Variants in ADGRD2 observed in about 807,000 individuals in gnomAD.
ADGRD2 encodes the protein adhesion G protein-coupled receptor D2.
ADGRD2 carries 71 observed loss-of-function variants against 44.4 expected under a neutral mutation model. The ratio of observed to expected loss-of-function variants is 1.60; its 90% CI spans 1.32 to 1.95. The LOEUF (loss-of-function observed/expected upper bound fraction) is 1.95, where lower values mean the gene tolerates loss of function less well. ADGRD2 is among the 30% of genes most tolerant of loss of function. ADGRD2 has a pLI of 0.00. For missense variants in ADGRD2, 1,039 were observed against 512.4 expected (o/e 2.03, Z -9.92); for synonymous variants, 481 against 224.8 (o/e 2.14, Z -10.19).
At chr9:124,453,958 G>A in intron 3 of ADGRD2, 41 bp from the exon 7 acceptor site, 1 of 622,642 alleles carries the variant, frequency 1.6e-6, no homozygotes, top group Non-Finnish European at 2.9e-6. Context: ...GGCTCGCCAG[G>A]GTCCCCTAGG....
At chr9:124,467,631 T>C in intron 11 of ADGRD2, 90 bp from the exon 15 acceptor site, 3 of 686,186 alleles carry the variant, frequency 4.4e-6, no homozygotes, top group Non-Finnish European at 8.1e-6. Flanking sequence ...GAATGCGGCG[T>C]GGGGGGCCTT....
At chr9:124,451,327 C>T (rs1450055973), upstream of ADGRD2, 1 of 422,444 alleles carries the variant, frequency 2.4e-6, no homozygotes, top group East Asian at 7.1e-5. Context: ...CTGTTTCGCC[C>T]CTCTCTGGCC....
chr9:124,460,229 TCTCA>T (rs1831702506), intron 10 of ADGRD2, among the ~76,000 whole-genome samples: 4 of 144,128 alleles, frequency 2.8e-5, no homozygotes, highest in African/African-American at 1.0e-4. Context: ...TGAGACTGAG[TCTCA>T]CTCTGTCACC....
At chr9:124,465,200 C>G (rs1831795619) in intron 10 of ADGRD2, 1 of 153,190 alleles carries the variant, frequency 6.5e-6, no homozygotes, top group Non-Finnish European at 1.5e-5. Flanking sequence ...TCTCTCCTTT[C>G]CCATCCACAC....
chr9:124,468,605 G>A lies in ADGRD2; in HGVS notation c.2322G>A (p.Trp774Ter), dbSNP rs1193172446. 1 of 718,526 alleles carries A rather than the reference G, an allele frequency of 1.4e-6. No homozygotes were observed. The highest frequency in any genetic ancestry group is 1.5e-5 in the South Asian group (1 of 67,600). 44.5% of individuals were successfully genotyped at this position (718,526 alleles called of 1,614,324 possible). Residue 774 changes from tryptophan to a stop codon, truncating the protein, a stop_gained, in exon 14 of 22, where the codon TGG (tryptophan) becomes TGA (stop). Transcript: ENST00000334810. LOFTEE classifies it high-confidence loss of function. ...TGCTGGTGGAGGGGCTGCTGCTGTG[G>A]AGGAAGGTGGTAGCTGTGAGCATGC...
exon 3 of ADGRD2, chr9:124,453,453 C>T (rs1831543880): frequency 1.5e-6 from 1 of 684,596 alleles, no homozygotes; most frequent in Admixed American, 2.2e-5. Context: ...TGGTGCTGGG[C>T]CAGGATCAGG....
chr9:124,452,732 G>A lies in ADGRD2; in HGVS notation c.281+10G>A, dbSNP rs745401887. 1.4e-6 allele frequency: 1 copy of A among 706,252 alleles called. No individual in the cohort carries two copies. Among genetic ancestry groups the A allele is most frequent in the South Asian group, 1.5e-5 (1 of 67,538 alleles). 43.7% of individuals were successfully genotyped at this position (706,252 alleles called of 1,614,324 possible). A position where few individuals can be genotyped will look rare whatever the true frequency, so the allele number is the denominator to read the frequency against. ...AGACCCCCACAGAGGCGTGAGTGTG[G>A]GCCCCTGGGAAATGGGAGCAAGGGG... is the stretch of plus-strand genomic sequence containing the variant. On this transcript the variant is annotated intron_variant, in intron 2 of 21. Transcript: ENST00000334810.
intron 21 of ADGRD2, chr9:124,477,080 C>G (rs1564145015): frequency 3.8e-6 from 2 of 524,410 alleles, no homozygotes; most frequent in Non-Finnish European, 7.6e-6. Context: ...CCCCCGTCAC[C>G]CTCTGAAGGC....
intron 17 of ADGRD2, among the ~76,000 whole-genome samples, chr9:124,471,407 C>T: frequency 6.6e-6 from 1 of 152,150 alleles, no homozygotes; most frequent in Non-Finnish European, 1.5e-5. Flanking sequence ...CGAACTCCAC[C>T]CAGGGTCCAT....
chr9:124,466,297 GGGGGTGCCTGGGCCACCACA>G lies in ADGRD2; in HGVS notation c.1913_1932del (p.Gly639LeufsTer29). 1.4e-6 allele frequency: 1 copy of G among 714,114 alleles called. No individual in the cohort carries two copies. The highest frequency in any genetic ancestry group is 2.3e-4 in the Middle Eastern group (1 of 4,348). 44.2% of individuals were successfully genotyped at this position (714,114 alleles called of 1,614,324 possible). ...TCCCCATCCCCCAAGCCCATATACA[GGGGGTGCCTGGGCCACCACA>G]GGCTGCTCCGTGGCTGCCCTGTACC... On this transcript the variant is annotated frameshift_variant, in exon 11 of 22. Coordinates refer to ENST00000334810, the Ensembl canonical transcript of ADGRD2. LOFTEE classifies it high-confidence loss of function.
exon 17 of ADGRD2, chr9:124,470,527 C>A (rs377674289): frequency 1.4e-6 from 1 of 711,202 alleles, no homozygotes; most frequent in Non-Finnish European, 2.6e-6. Flanking sequence ...TCCTGCTGCC[C>A]GTCCTAGGCC....
At position 124,470,632 on chromosome 9, in the gene ADGRD2, C is replaced by T; in HGVS notation, c.2758+18C>T. The T allele has an allele frequency of 1.4e-6, 1 of 699,470 alleles. No homozygotes were observed. The highest frequency in any genetic ancestry group is 2.6e-6 in the Non-Finnish European group (1 of 380,134). The allele number at this position is 699,470 out of a possible 1,614,324, so 43.3% of individuals were successfully genotyped here. On this transcript the variant is annotated intron_variant, in intron 17 of 21. Transcript: ENST00000334810. Reference sequence around the variant, plus strand: ...CCATCCAGGTACCTCCAGCCCCAACCTTCTGGGACTAGGCCCTGACATGCA... The same window carrying T: ...CCATCCAGGTACCTCCAGCCCCAACTTTCTGGGACTAGGCCCTGACATGCA...
At chr9:124,476,748 T>C in intron 21 of ADGRD2, 39 bp downstream of exon 24, 1 of 690,348 alleles carries the variant, frequency 1.4e-6, no homozygotes, top group South Asian at 1.5e-5. Context: ...CTTTTCTTTT[T>C]GGGCCTGGAC....
At chr9:124,468,445 G>A in intron 13 of ADGRD2, 74 bp from the exon 17 acceptor site, 2 of 713,768 alleles carry the variant, frequency 2.8e-6, no homozygotes, top group South Asian at 1.5e-5. Flanking sequence ...AGGCCGGGCT[G>A]GGCATGGGCC....
chr9:124,453,198 C>G lies in ADGRD2; in HGVS notation c.447C>G (p.Pro149=), dbSNP rs1250295676. The G allele has an allele frequency of 1.9e-5, 13 of 674,878 alleles. 1 individual carries two copies. Among genetic ancestry groups the G allele is most frequent in the Non-Finnish European group, 3.5e-5 (13 of 374,802 alleles). 41.8% of individuals were successfully genotyped at this position (674,878 alleles called of 1,614,324 possible). Reference sequence around the variant, plus strand: ...CAGCGCTCTTCTCCGTTGCCGCGCCCGCGCTGCCCAACGCGCTGCAGCTGC... The same window carrying G: ...CAGCGCTCTTCTCCGTTGCCGCGCCGGCGCTGCCCAACGCGCTGCAGCTGC... The change falls in exon 3 of 22, where the codon CCC becomes CCG. Residue 149 remains proline, a synonymous_variant. Coordinates refer to ENST00000334810, the Ensembl canonical transcript of ADGRD2.
intron 1 of ADGRD2, 168 bp from the exon 5 acceptor site, chr9:124,452,342 C>A (rs766392131): frequency 2.6e-4 from 166 of 642,226 alleles, no homozygotes; most frequent in Non-Finnish European, 4.6e-5. Flanking sequence ...GCGCAGATGA[C>A]GAAAAGAGCT....
chr9:124,453,244 G>A (rs763400083), exon 3 of ADGRD2: 5 of 562,672 alleles, frequency 8.9e-6, no homozygotes, highest in South Asian at 8.6e-5. Flanking sequence ...CGAGCCGGGG[G>A]GCGTCGTGCG....
intron 17 of ADGRD2, among the ~76,000 whole-genome samples, chr9:124,472,170 TCAGCCATGGGGCAATGCCACC>T (rs1393164629): frequency 0.02 from 3,014 of 152,272 alleles, 122 homozygotes; most frequent in African/African-American, 0.069. Context: ...AATGCCACCG[TCAGCCATGGGGCAATGCCACC>T]GTCGCACCGT....
Position 124,466,224 on chromosome 9 carries a change from T to A in ADGRD2, c.1871-34T>A, listed in dbSNP as rs561733856. 80 of 563,800 alleles carry A rather than the reference T, an allele frequency of 1.4e-4. No homozygotes were observed. In the South Asian group the frequency reaches 1.9e-3, roughly 13 times the overall value. The allele number at this position is 563,800 out of a possible 1,614,324, so 34.9% of individuals were successfully genotyped here. On this transcript the variant is annotated intron_variant, in intron 10 of 21. Coordinates refer to ENST00000334810, the Ensembl canonical transcript of ADGRD2. The stretch of plus-strand genomic sequence containing the variant: ...GGAAAGCCTTTCCCCTGCTTGCTTC[T>A]GGCCCCTCACCCCCTTGTCCACCTT...
Sources: gnomAD v4.1 joint callset for allele counts (sites outside exome capture counted in the v4.1 genomes callset) on GRCh38, gnomAD v4.1.1 for gene constraint, MANE v1.5 for transcripts, NCBI Gene and HGNC (gene_info 2026-07-23, HGNC 2026-07-21) for gene names.